Variants in SLC44A5 observed in about 807,000 individuals in gnomAD.
SLC44A5 encodes choline transporter-like protein 5.
SLC44A5 carries 57 observed loss-of-function variants against 101.8 expected under a neutral mutation model. The ratio of observed to expected loss-of-function variants is 0.56; its 90% CI spans 0.45 to 0.70. The LOEUF (loss-of-function observed/expected upper bound fraction) is 0.70. SLC44A5 is among the 30% of genes least tolerant of loss of function. The pLI is 0.00. For synonymous variants in SLC44A5, 281 were observed against 290.9 expected (o/e 0.97, Z 0.35); for missense variants, 737 against 853.1 (o/e 0.86, Z 1.70).
At position 75,203,629 on chromosome 1, in the gene SLC44A5, G is replaced by C; in HGVS notation, c.*98C>G. On this transcript the variant is annotated 3_prime_UTR_variant, in exon 24 of 24. Transcript: ENST00000370859. ...GCAAGCCAACAAGGTCGTGAATACA[G>C]TGTTGCTAAACACAAAGCACTTATG... 3 of 1,392,940 alleles carry C rather than the reference G, an allele frequency of 2.2e-6. No individual in the cohort carries two copies. The highest frequency in any genetic ancestry group is 2.6e-5 in the East Asian group (1 of 38,452). 86.3% of individuals were successfully genotyped at this position (1,392,940 alleles called of 1,614,324 possible).
At chr1:75,600,175 A>C (rs200676647) in intron 1 of SLC44A5, among the ~76,000 whole-genome samples, 2 of 152,300 alleles carry the variant, frequency 1.3e-5, no homozygotes, top group East Asian at 1.9e-4. Flanking sequence ...TGACTTTATC[A>C]GTTTGAGCAG....
intron 2 of SLC44A5, among the ~76,000 whole-genome samples, chr1:75,506,159 G>A (rs536321837): frequency 6.6e-6 from 1 of 152,218 alleles, no homozygotes; most frequent in East Asian, 1.9e-4. Context: ...CCAGACAGTT[G>A]TAGGTGTGTG....
intron 3 of SLC44A5, among the ~76,000 whole-genome samples, chr1:75,341,869 A>G (rs1299606142): frequency 2.0e-5 from 3 of 152,220 alleles, no homozygotes; most frequent in Non-Finnish European, 4.4e-5. Context: ...CAAGATTCCA[A>G]CAATCCCCCA....
intron 9 of SLC44A5, among the ~76,000 whole-genome samples, chr1:75,239,195 T>C (rs1648391430): frequency 6.6e-6 from 1 of 152,094 alleles, no homozygotes. Flanking sequence ...TTAGTGGAGC[T>C]GAAAATGGAA....
intron 2 of SLC44A5, among the ~76,000 whole-genome samples, chr1:75,508,137 A>C (rs1178424024): frequency 6.6e-6 from 1 of 152,194 alleles, no homozygotes; most frequent in East Asian, 1.9e-4. Context: ...AGTCTCAATA[A>C]ATTTAAAAAA....
chr1:75,652,916 T>G, the SLC44A5 span, among the ~76,000 whole-genome samples: 1 of 152,218 alleles, frequency 6.6e-6, no homozygotes, highest in Non-Finnish European at 1.5e-5. Context: ...TCTCCTTATA[T>G]TCCCCTGGAC....
At chr1:75,556,029 G>A (rs936338333) in intron 1 of SLC44A5, among the ~76,000 whole-genome samples, 2 of 152,034 alleles carry the variant, frequency 1.3e-5, no homozygotes, top group African/African-American at 2.4e-5. Context: ...CTAATCTATA[G>A]TGATAGAAAG....
the SLC44A5 span, among the ~76,000 whole-genome samples, chr1:75,666,524 G>A: frequency 6.6e-6 from 1 of 152,138 alleles, no homozygotes; most frequent in Non-Finnish European, 1.5e-5. Flanking sequence ...AGAGGAGCTG[G>A]TACCACTCCT....
At chr1:75,688,947 C>A in the SLC44A5 span, among the ~76,000 whole-genome samples, 3 of 152,204 alleles carry the variant, frequency 2.0e-5, no homozygotes, top group African/African-American at 7.2e-5. Context: ...TCCTATGGTG[C>A]TAACCCTTAT....
intron 1 of SLC44A5, among the ~76,000 whole-genome samples, chr1:75,562,355 T>C (rs1672564065): frequency 6.6e-6 from 1 of 152,192 alleles, no homozygotes. Context: ...TTTTCTACAA[T>C]TTTCTTATTA....
chr1:75,297,277 A>T (rs1570604304), intron 5 of SLC44A5, among the ~76,000 whole-genome samples: 1 of 152,096 alleles, frequency 6.6e-6, no homozygotes, highest in Non-Finnish European at 1.5e-5. Flanking sequence ...AACAAATTAA[A>T]ATTATTTATT....
At chr1:75,567,012 C>G (rs1306577050) in intron 1 of SLC44A5, among the ~76,000 whole-genome samples, 1 of 152,170 alleles carries the variant, frequency 6.6e-6, no homozygotes, top group Admixed American at 6.5e-5. Flanking sequence ...TACTCCATCT[C>G]TGCTTCGTAT....
chr1:75,569,021 G>T lies in SLC44A5; in HGVS notation c.-69-27505C>A, dbSNP rs1014432810. On this transcript the variant is annotated intron_variant, in intron 1 of 23. Coordinates refer to ENST00000370859, the MANE Select transcript of SLC44A5 (RefSeq NM_001130058.2). ...GCCTTCCCTCACTTAGGCAGGTAAG[G>T]CTTCTCCTGAGTGAACCATTCCTCT... Among the ~76,000 whole-genome samples, 5 of 152,092 alleles carry T rather than the reference G, an allele frequency of 3.3e-5. 1 individual carries two copies. Among genetic ancestry groups the T allele is most frequent in the Non-Finnish European group, 7.4e-5 (5 of 68,022 alleles).
chr1:75,559,125 G>A (rs1281992218), intron 1 of SLC44A5, among the ~76,000 whole-genome samples: 1 of 151,894 alleles, frequency 6.6e-6, no homozygotes, highest in African/African-American at 2.4e-5. Flanking sequence ...ACTACAGTTT[G>A]TATATCTATA....
At chr1:75,525,599 A>G (rs905141212) in intron 2 of SLC44A5, among the ~76,000 whole-genome samples, 3 of 152,166 alleles carry the variant, frequency 2.0e-5, no homozygotes, top group Admixed American at 2.0e-4. Context: ...CATGAATACA[A>G]TCTGTGAACT....
chr1:75,465,268 C>T (rs1428892721), intron 2 of SLC44A5, among the ~76,000 whole-genome samples: 1 of 152,008 alleles, frequency 6.6e-6, no homozygotes, highest in East Asian at 1.9e-4. Context: ...GGAAATTAAA[C>T]AATATGCTCC....
intron 2 of SLC44A5, among the ~76,000 whole-genome samples, chr1:75,528,201 T>C (rs755656655): frequency 1.1e-4 from 16 of 152,158 alleles, no homozygotes; most frequent in Non-Finnish European, 1.8e-4. Flanking sequence ...ATCTATTCAC[T>C]AGAAACATAA....
intron 5 of SLC44A5, among the ~76,000 whole-genome samples, chr1:75,280,318 T>A (rs61796541): frequency 1.7e-3 from 82 of 47,654 alleles, no homozygotes; most frequent in East Asian, 4.7e-3. Context: ...TAATATATAT[T>A]GTATATATTA....
the SLC44A5 span, among the ~76,000 whole-genome samples, chr1:75,664,929 GAAA>G: frequency 0.037 from 4,763 of 130,230 alleles, 97 homozygotes; most frequent in Non-Finnish European, 0.054. Context: ...TCAAAAAAAA[GAAA>G]AAAAAAAAAA....
Sources: gnomAD v4.1 joint callset for allele counts (sites outside exome capture counted in the v4.1 genomes callset) on GRCh38, gnomAD v4.1.1 for gene constraint, MANE v1.5 for transcripts, NCBI Gene and HGNC (gene_info 2026-07-23, HGNC 2026-07-21) for gene names.